The following OSBPL1A variants were observed in gnomAD, a reference collection of about 807,000 sequenced individuals.
OSBPL1A encodes the protein oxysterol-binding protein-related protein 1.
In OSBPL1A, 80 loss-of-function variants were observed where a neutral mutation model predicts 137.1. The observed-to-expected ratio is 0.58, with a 90% CI of 0.49 to 0.70. The LOEUF is 0.70. OSBPL1A is among the 30% of genes least tolerant of loss of function. OSBPL1A has a pLI of 0.00. For missense variants in OSBPL1A, 970 were observed against 1,129.4 expected (o/e 0.86, Z 2.02); for synonymous variants, 365 against 389.7 (o/e 0.94, Z 0.75).
intron 15 of OSBPL1A, chr18:24,272,255 CTTTT>C (rs1213099871): frequency 8.4e-6 from 8 of 948,266 alleles, no homozygotes; most frequent in Admixed American, 6.9e-5. Flanking sequence ...TTTCTTTTTT[CTTTT>C]TTTTTTTTTT....
chr18:24,197,781 CTTTTCT>C (rs762290474), intron 17 of OSBPL1A, among the ~76,000 whole-genome samples: 2,611 of 139,940 alleles, frequency 0.019, 63 homozygotes, highest in East Asian at 0.17. Context: ...TTGTTCTTTT[CTTTTCT>C]TTTTTTTTTT....
At chr18:24,206,603 C>G (rs907640599) in intron 17 of OSBPL1A, among the ~76,000 whole-genome samples, 5 of 152,172 alleles carry the variant, frequency 3.3e-5, no homozygotes, top group African/African-American at 9.7e-5. Flanking sequence ...GGTATTAAAA[C>G]TCATTCCCAT....
At chr18:24,197,096 C>T (rs189200182) in intron 17 of OSBPL1A, among the ~76,000 whole-genome samples, 1 of 152,274 alleles carries the variant, frequency 6.6e-6, no homozygotes, top group East Asian at 1.9e-4. Context: ...ACCTGTAATC[C>T]CAGCACATTG....
At chr18:24,234,852 G>A (rs925043234) in intron 16 of OSBPL1A, among the ~76,000 whole-genome samples, 8 of 151,454 alleles carry the variant, frequency 5.3e-5, no homozygotes, top group African/African-American at 1.5e-4. Flanking sequence ...TTCATCTATC[G>A]TCATGATTTA....
chr18:24,203,178 T>C (rs2087268404), intron 17 of OSBPL1A, among the ~76,000 whole-genome samples: 1 of 151,992 alleles, frequency 6.6e-6, no homozygotes, highest in Non-Finnish European at 1.5e-5. Context: ...GGTTTCACCA[T>C]GTTAGCCAGG....
At chr18:24,239,114 C>G in intron 16 of OSBPL1A, 106 bp downstream of exon 16, 1 of 1,363,222 alleles carries the variant, frequency 7.3e-7, no homozygotes, top group Non-Finnish European at 1.0e-6. Flanking sequence ...TTCCAGGAAA[C>G]TCTAGGTGAC....
At chr18:24,386,665 A>T (rs1906979940) in intron 1 of OSBPL1A, among the ~76,000 whole-genome samples, 1 of 152,220 alleles carries the variant, frequency 6.6e-6, no homozygotes, top group East Asian at 1.9e-4. Context: ...TGAGTTAATA[A>T]AAATGAAGTA....
intron 15 of OSBPL1A, among the ~76,000 whole-genome samples, chr18:24,278,010 A>G (rs2089882612): frequency 6.6e-6 from 1 of 152,210 alleles, no homozygotes; most frequent in Non-Finnish European, 1.5e-5. Context: ...ATTCATCTAC[A>G]TATAGTTGAT....
At chr18:24,179,678 G>A (rs1461965088) in intron 20 of OSBPL1A, 60 bp downstream of exon 20, 4 of 1,351,454 alleles carry the variant, frequency 3.0e-6, no homozygotes, top group Non-Finnish European at 4.2e-6. Context: ...TGACCAATAT[G>A]TATGTATTTC....
At chr18:24,358,453 C>T (rs769885347) in intron 4 of OSBPL1A, 16 of 702,170 alleles carry the variant, frequency 2.3e-5, no homozygotes, top group Admixed American at 4.0e-5. Flanking sequence ...TGTGATGCCA[C>T]GAGCACTCCA....
chr18:24,228,869 G>C (rs1444388503), intron 16 of OSBPL1A, among the ~76,000 whole-genome samples: 1 of 152,160 alleles, frequency 6.6e-6, no homozygotes, highest in Non-Finnish European at 1.5e-5. Flanking sequence ...ACATGAGACT[G>C]TGAGTCAGTC....
chr18:24,344,024 G>T (rs1236261201), intron 4 of OSBPL1A, among the ~76,000 whole-genome samples: 1 of 151,896 alleles, frequency 6.6e-6, no homozygotes. Flanking sequence ...CAGAGAACAG[G>T]AAAAAATACT....
chr18:24,347,375 G>A lies in OSBPL1A; in HGVS notation c.283-5717C>T, dbSNP rs556771708. On this transcript the variant is annotated intron_variant, in intron 4 of 27. Coordinates refer to ENST00000319481, the MANE Select transcript of OSBPL1A (RefSeq NM_080597.4). ...ATTTTTGTACTTTTAGTAGAGATGG[G>A]GGTTTCACCATGTTGGCCAGGCTGG... 1.7e-4 allele frequency among the ~76,000 whole-genome samples: 26 copies of A among 152,012 alleles called. No homozygotes were observed. In the South Asian group the frequency reaches 5.4e-3, roughly 32 times the overall value.
intron 4 of OSBPL1A, among the ~76,000 whole-genome samples, chr18:24,355,044 A>G (rs1277145758): frequency 6.6e-6 from 1 of 152,160 alleles, no homozygotes; most frequent in Non-Finnish European, 1.5e-5. Flanking sequence ...CCACAGTGGC[A>G]TTCTCACAGC....
At chr18:24,372,875 C>T (rs912732950) in intron 2 of OSBPL1A, among the ~76,000 whole-genome samples, 5 of 152,096 alleles carry the variant, frequency 3.3e-5, no homozygotes, top group Non-Finnish European at 7.4e-5. Context: ...ACCAGCCTGG[C>T]CAACATGGTG....
At chr18:24,359,214 T>C (rs1220313848) in intron 4 of OSBPL1A, among the ~76,000 whole-genome samples, 2 of 151,644 alleles carry the variant, frequency 1.3e-5, no homozygotes, top group Non-Finnish European at 1.5e-5. Context: ...CGAGACCCTG[T>C]CTATAGAGAA....
intron 14 of OSBPL1A, among the ~76,000 whole-genome samples, chr18:24,291,783 G>A (rs1394648255): frequency 5.5e-5 from 8 of 145,210 alleles, no homozygotes; most frequent in African/African-American, 1.8e-4. Context: ...AAAAAAAAAC[G>A]AGAGATTGCC....
At chr18:24,308,169 G>T (rs2090543189) in intron 13 of OSBPL1A, among the ~76,000 whole-genome samples, 1 of 148,396 alleles carries the variant, frequency 6.7e-6, no homozygotes, top group East Asian at 2.0e-4. Flanking sequence ...AGGCTGGAGT[G>T]CAGTGGCGTG....
At chr18:24,231,083 A>G (rs2088261954) in intron 16 of OSBPL1A, among the ~76,000 whole-genome samples, 1 of 152,182 alleles carries the variant, frequency 6.6e-6, no homozygotes, top group African/African-American at 2.4e-5. Flanking sequence ...CTGTCTCTCA[A>G]AAACATTAAG....
Sources: allele counts gnomAD v4.1 joint callset (sites outside exome capture counted in the v4.1 genomes callset), GRCh38; gene constraint gnomAD v4.1.1; transcripts MANE v1.5; gene names NCBI Gene and HGNC (gene_info 2026-07-23, HGNC 2026-07-21).